The following KCNQ3 variants were observed in gnomAD, a reference collection of about 807,000 sequenced individuals.
KCNQ3 encodes the protein potassium voltage-gated channel subfamily KQT member 3.
KCNQ3 carries 30 observed loss-of-function variants against 92.5 expected under a neutral mutation model. That is an observed-to-expected ratio of 0.32 (90% CI 0.24 to 0.44). KCNQ3 has a LOEUF of 0.44. KCNQ3 is among the 20% of genes least tolerant of loss of function. The pLI is 1.00. For missense variants in KCNQ3, 913 were observed against 1,140.3 expected (o/e 0.80, Z 2.87); for synonymous variants, 450 against 468.8 (o/e 0.96, Z 0.52).
At chr8:132,197,852 T>G (rs1190137013) in intron 1 of KCNQ3, among the ~76,000 whole-genome samples, 2 of 152,196 alleles carry the variant, frequency 1.3e-5, no homozygotes, top group African/African-American at 4.8e-5. Flanking sequence ...ACTTTAAGTA[T>G]CTTCATGTTG....
chr8:132,237,204 C>A (rs1586853360), intron 1 of KCNQ3, among the ~76,000 whole-genome samples: 1 of 152,002 alleles, frequency 6.6e-6, no homozygotes, highest in East Asian at 1.9e-4. Context: ...AATAACCTTA[C>A]AAAGTAAATT....
At chr8:132,225,591 C>G (rs1283823979) in intron 1 of KCNQ3, among the ~76,000 whole-genome samples, 1 of 152,238 alleles carries the variant, frequency 6.6e-6, no homozygotes, top group Non-Finnish European at 1.5e-5. Flanking sequence ...CTAATACCAT[C>G]TTGCAAAAGC....
At chr8:132,477,474 G>A (rs1188997973) in intron 1 of KCNQ3, among the ~76,000 whole-genome samples, 1 of 152,126 alleles carries the variant, frequency 6.6e-6, no homozygotes, top group African/African-American at 2.4e-5. Context: ...AAATTTCAAT[G>A]CAAAATCCTG....
rs1826419097 is a variant in KCNQ3, at chr8:132,172,726, C to T, written c.1045-33G>A. On this transcript the variant is annotated intron_variant, in intron 6 of 14. Transcript: ENST00000388996. ...GAGAGGCAGGCAGGCAGTCAGCCCC[C>T]AGCTAGACTGTCCCAGCATTCCCGC... 2.0e-6 allele frequency: 3 copies of T among 1,502,656 alleles called. No homozygotes were observed. The African/African-American group carries it at 4.1e-5, about 21-fold the overall frequency. 93.1% of individuals were successfully genotyped at this position (1,502,656 alleles called of 1,614,324 possible).
chr8:132,390,258 C>A (rs1402244182), intron 1 of KCNQ3, among the ~76,000 whole-genome samples: 1 of 152,002 alleles, frequency 6.6e-6, no homozygotes, highest in Non-Finnish European at 1.5e-5. Flanking sequence ...TGAAAGCATA[C>A]AATAAGGTAG....
intron 1 of KCNQ3, among the ~76,000 whole-genome samples, chr8:132,249,866 G>A (rs1342571711): frequency 6.6e-6 from 1 of 152,178 alleles, no homozygotes; most frequent in Non-Finnish European, 1.5e-5. Flanking sequence ...ACTGCTGGGG[G>A]ACCCAGTGCA....
At chr8:132,136,742 G>A (rs1208454160) in intron 12 of KCNQ3, among the ~76,000 whole-genome samples, 3 of 151,836 alleles carry the variant, frequency 2.0e-5, no homozygotes, top group South Asian at 2.1e-4. Flanking sequence ...GCATATATAT[G>A]TGTACACACA....
intron 1 of KCNQ3, among the ~76,000 whole-genome samples, chr8:132,413,533 G>A (rs996463620): frequency 6.6e-6 from 1 of 152,118 alleles, no homozygotes; most frequent in Non-Finnish European, 1.5e-5. Flanking sequence ...ATTCTATACA[G>A]ATCTCCATTT....
chr8:132,240,734 C>G (rs1289984499), intron 1 of KCNQ3, among the ~76,000 whole-genome samples: 4 of 152,210 alleles, frequency 2.6e-5, no homozygotes, highest in African/African-American at 9.7e-5. Flanking sequence ...AACTTTGTGC[C>G]TGGCACCTAG....
At chr8:132,217,467 T>A (rs1042723266) in intron 1 of KCNQ3, among the ~76,000 whole-genome samples, 1 of 151,976 alleles carries the variant, frequency 6.6e-6, no homozygotes, top group Non-Finnish European at 1.5e-5. Context: ...TCCCAGCACT[T>A]TGGGAGGCCG....
At chr8:132,335,357 A>T (rs1818341372) in intron 1 of KCNQ3, among the ~76,000 whole-genome samples, 1 of 152,042 alleles carries the variant, frequency 6.6e-6, no homozygotes, top group Non-Finnish European at 1.5e-5. Context: ...ACATTTTTCA[A>T]TGACTGCCCA....
intron 1 of KCNQ3, among the ~76,000 whole-genome samples, chr8:132,433,663 G>A (rs1821309929): frequency 6.6e-6 from 1 of 151,998 alleles, no homozygotes; most frequent in African/African-American, 2.4e-5. Flanking sequence ...GCCAAGGCAG[G>A]CGGATCACCT....
chr8:132,420,086 T>A (rs1337498802), intron 1 of KCNQ3, among the ~76,000 whole-genome samples: 1 of 152,098 alleles, frequency 6.6e-6, no homozygotes, highest in Non-Finnish European at 1.5e-5. Flanking sequence ...AGGGCCCTCT[T>A]CTGGGGTGCA....
intron 1 of KCNQ3, among the ~76,000 whole-genome samples, chr8:132,468,926 C>A (rs1210988233): frequency 6.6e-6 from 1 of 152,146 alleles, no homozygotes; most frequent in Non-Finnish European, 1.5e-5. Context: ...GAGCTGTAAC[C>A]CAATTTGTTC....
At chr8:132,230,006 A>G (rs1165522179) in intron 1 of KCNQ3, among the ~76,000 whole-genome samples, 1 of 152,072 alleles carries the variant, frequency 6.6e-6, no homozygotes, top group Non-Finnish European at 1.5e-5. Flanking sequence ...GGGTCTGATC[A>G]CTCACTTTTT....
rs577534558 is a variant in KCNQ3 at position 132,480,850 on chromosome 8, C to G, written c.-318G>C. ...GCGGAGGCGCTAGGGCGCGCGGCGG[C>G]GGGAGCCTGGAACCGGCGCTCCGGG... On this transcript the variant is annotated 5_prime_UTR_variant, in exon 1 of 15. Coordinates refer to ENST00000388996, the MANE Select transcript of KCNQ3 (RefSeq NM_004519.4). 1.3e-5 allele frequency: 2 copies of G among 156,796 alleles called. No homozygotes were observed. The highest frequency in any genetic ancestry group is 1.3e-4 in the Admixed American group (2 of 15,002). The allele number at this position is 156,796 out of a possible 1,614,324, so 9.7% of individuals were successfully genotyped here.
intron 1 of KCNQ3, among the ~76,000 whole-genome samples, chr8:132,208,890 C>G (rs1460156276): frequency 6.6e-6 from 1 of 152,126 alleles, no homozygotes; most frequent in African/African-American, 2.4e-5. Flanking sequence ...CGTCTCCCTC[C>G]TAAAACACCT....
At chr8:132,387,464 A>G (rs1819918462) in intron 1 of KCNQ3, among the ~76,000 whole-genome samples, 2 of 152,208 alleles carry the variant, frequency 1.3e-5, no homozygotes, top group Non-Finnish European at 2.9e-5. Flanking sequence ...GAAAACTTAG[A>G]GCTAGTTTCA....
intron 1 of KCNQ3, among the ~76,000 whole-genome samples, chr8:132,302,432 C>G (rs534426723): frequency 6.6e-6 from 1 of 152,200 alleles, no homozygotes; most frequent in Non-Finnish European, 1.5e-5. Flanking sequence ...ACTCTCAAAA[C>G]AACACTTTAC....
Sources: allele counts gnomAD v4.1 joint callset (sites outside exome capture counted in the v4.1 genomes callset), GRCh38; gene constraint gnomAD v4.1.1; transcripts MANE v1.5; gene names NCBI Gene and HGNC (gene_info 2026-07-23, HGNC 2026-07-21).